Variants in OLFML2B observed in about 807,000 individuals in gnomAD.
OLFML2B encodes the protein olfactomedin like 2B, also known as olfactomedin-like protein 2B.
OLFML2B carries 57 observed loss-of-function variants against 74.9 expected under a neutral mutation model. The ratio of observed to expected loss-of-function variants is 0.76; its 90% CI spans 0.61 to 0.95. The LOEUF (loss-of-function observed/expected upper bound fraction) is 0.95. OLFML2B is among the 40% of genes least tolerant of loss of function. OLFML2B has a pLI of 0.00. For missense variants in OLFML2B, 986 were observed against 970.6 expected, an observed-to-expected ratio of 1.02 and a Z score of -0.21; for synonymous variants, 388 against 405.8, an observed-to-expected ratio of 0.96 and a Z score of 0.53.
At chr1:162,005,347 T>C in intron 4 of OLFML2B, among the ~76,000 whole-genome samples, 1 of 152,082 alleles carries the variant, frequency 6.6e-6, no homozygotes, top group Non-Finnish European at 1.5e-5. Flanking sequence ...GAAACAGAGG[T>C]TTGAGACCCT....
intron 3 of OLFML2B, among the ~76,000 whole-genome samples, chr1:162,013,018 T>C (rs768805236): frequency 2.6e-5 from 4 of 152,222 alleles, no homozygotes; most frequent in African/African-American, 7.2e-5. Context: ...CCTTTAGGCC[T>C]GGCAGCCTAC....
At chr1:161,994,040 T>C (rs1435796115) in intron 6 of OLFML2B, among the ~76,000 whole-genome samples, 1 of 152,266 alleles carries the variant, frequency 6.6e-6, no homozygotes, top group Non-Finnish European at 1.5e-5. Context: ...CAAGGGTATA[T>C]TTTATCCATT....
At position 161,988,246 on chromosome 1, in the gene OLFML2B, G is replaced by A. The variant is rs546042609; in HGVS notation, c.1475-3266C>T. 1.9e-4 allele frequency among the ~76,000 whole-genome samples: 29 copies of A among 152,272 alleles called. 1 individual carries two copies. Among genetic ancestry groups the A allele is most frequent in the African/African-American group, 5.3e-4 (22 of 41,536 alleles). On this transcript the variant is annotated intron_variant, in intron 6 of 7. Coordinates refer to ENST00000294794, the MANE Select transcript of OLFML2B (RefSeq NM_015441.3). Reference sequence around the variant, plus strand: ...GGAGACAGCTGGTCCTGTTTCAAACGTTACCAGGGTCTGAAAAGAAGGGGC... The same window carrying A: ...GGAGACAGCTGGTCCTGTTTCAAACATTACCAGGGTCTGAAAAGAAGGGGC...
intron 3 of OLFML2B, among the ~76,000 whole-genome samples, 195 bp from the exon 4 acceptor site, chr1:162,006,668 G>A (rs1379388653): frequency 6.6e-6 from 1 of 152,022 alleles, no homozygotes; most frequent in African/African-American, 2.4e-5. Context: ...GTATTTCCAG[G>A]GCAGCTCAGC....
chr1:161,994,762 A>C (rs1402771674), intron 6 of OLFML2B, among the ~76,000 whole-genome samples: 1 of 147,854 alleles, frequency 6.8e-6, no homozygotes, highest in African/African-American at 2.5e-5. Flanking sequence ...CACAGCCAAA[A>C]ATGAATTCTA....
Position 161,998,064 on chromosome 1 carries a change from G to A in OLFML2B, c.1235C>T (p.Pro412Leu), listed in dbSNP as rs1011413063. 3 of 1,613,948 alleles carry A rather than the reference G, an allele frequency of 1.9e-6. No individual in the cohort carries two copies. Among genetic ancestry groups the A allele is most frequent in the Non-Finnish European group, 2.5e-6 (3 of 1,180,016 alleles). The change falls in exon 6 of 8, where the codon CCT (proline) becomes CTT (leucine). Residue 412 changes from proline to leucine, a missense_variant. Pro to Leu is a moderately conservative substitution (Grantham distance 98). Coordinates refer to ENST00000294794, the MANE Select transcript of OLFML2B (RefSeq NM_015441.3). ...AGTGGTGGCTGGTACCTGAGGAGAA[G>A]GCTGCAGGACTGACTCCCTTGTGGG... ...PDPTRESVLQ[P>L]SPQVPATTVA...
At position 161,984,076 on chromosome 1, in the gene OLFML2B, A is replaced by T. The variant is rs769349332; in HGVS notation, c.1852T>A (p.Ser618Thr). The T allele has an allele frequency of 6.2e-7, 1 of 1,613,666 alleles. No homozygotes were observed. Among genetic ancestry groups the T allele is most frequent in the Non-Finnish European group, 8.5e-7 (1 of 1,179,644 alleles). ...TCGTCCACAGCAAAGTCCACGTCTG[A>T]GTGGCCCTGCCATCGCCAGGGGGTG... ...EATPWRWQGH[S>T]DVDFAVDENG... is the part of the protein sequence containing the mutation. The change falls in exon 8 of 8, where the codon TCA becomes ACA. Residue 618 changes from serine (S) to threonine (T), a missense_variant. Transcript: ENST00000294794.
intron 2 of OLFML2B, among the ~76,000 whole-genome samples, chr1:162,019,520 C>A (rs967189271): frequency 1.3e-5 from 2 of 152,192 alleles, no homozygotes; most frequent in African/African-American, 4.8e-5. Context: ...CCTCTCCTTC[C>A]CTAGGCCAAC....
At chr1:161,997,729 G>T in intron 6 of OLFML2B, 96 bp downstream of exon 6, 1 of 1,331,938 alleles carries the variant, frequency 7.5e-7, no homozygotes, top group Non-Finnish European at 1.0e-6. Context: ...AAAGAACTTT[G>T]ACCATCTGGT....
intron 6 of OLFML2B, among the ~76,000 whole-genome samples, chr1:161,995,866 G>T (rs1571290523): frequency 6.6e-6 from 1 of 152,230 alleles, no homozygotes; most frequent in South Asian, 2.1e-4. Flanking sequence ...AAGTATGGGG[G>T]CCCAGGGAAG....
rs74359208 is a variant in OLFML2B at position 162,003,844 on chromosome 1, G to A, written c.723+2453C>T. On this transcript the variant is annotated intron_variant, in intron 4 of 7. Transcript: ENST00000294794. ...CCCTTCCACCCGCTTTTTGGCATGG[G>A]GTTCACAAAAGAGAGGGATGGCAAG... 6.1e-3 allele frequency among the ~76,000 whole-genome samples: 935 copies of A among 152,216 alleles called. 13 individuals carry two copies. Among genetic ancestry groups the A allele is most frequent in the South Asian group, 0.033 (157 of 4,822 alleles).
rs568981414 is a variant in OLFML2B, at chr1:162,001,827, C to A, written c.724-1489G>T. On this transcript the variant is annotated intron_variant, in intron 4 of 7. Transcript: ENST00000294794. ...CCCTAATATTTGTTAAATTGAATTT[C>A]TGAATCATAACAAATCCCAAGGAAT... Among the ~76,000 whole-genome samples, 5 of 152,206 alleles carry A rather than the reference C, an allele frequency of 3.3e-5. No homozygotes were observed. In the East Asian group the frequency reaches 5.8e-4, roughly 18 times the overall value.
intron 3 of OLFML2B, among the ~76,000 whole-genome samples, chr1:162,006,889 C>T (rs148278420): frequency 6.6e-6 from 1 of 152,060 alleles, no homozygotes; most frequent in East Asian, 1.9e-4. Context: ...GAAAGAGGGG[C>T]TTTCTAAGCA....
At chr1:161,993,232 T>C (rs1689792345) in intron 6 of OLFML2B, among the ~76,000 whole-genome samples, 1 of 152,226 alleles carries the variant, frequency 6.6e-6, no homozygotes, top group African/African-American at 2.4e-5. Context: ...TGGCTCTGGT[T>C]CTTCTCACTG....
Position 161,988,040 on chromosome 1 carries a change from G to T in OLFML2B, c.1475-3060C>A, listed in dbSNP as rs76474527. 6.0e-3 allele frequency among the ~76,000 whole-genome samples: 919 copies of T among 152,312 alleles called. 15 individuals are homozygous for T. Among genetic ancestry groups the T allele is most frequent in the African/African-American group, 0.021 (857 of 41,554 alleles). On this transcript the variant is annotated intron_variant, in intron 6 of 7. Coordinates refer to ENST00000294794, the MANE Select transcript of OLFML2B (RefSeq NM_015441.3). ...CAGCTTTGGAGAGAAGGTACTGTAT[G>T]TTGACTCCTCTTCAAGGGGGATGAC...
chr1:162,023,095 T>G (rs1690772609), intron 1 of OLFML2B, among the ~76,000 whole-genome samples, 162 bp downstream of exon 1: 1 of 152,166 alleles, frequency 6.6e-6, no homozygotes, highest in South Asian at 2.1e-4. Context: ...AGAACCTATA[T>G]CCTTCCATTA....
chr1:161,984,773 G>C lies in OLFML2B; in HGVS notation c.1651+31C>G, dbSNP rs778048577. The C allele has an allele frequency of 7.5e-6, 12 of 1,604,092 alleles. No individual in the cohort carries two copies. In the Admixed American group the frequency reaches 1.0e-4, roughly 14 times the overall value. On this transcript the variant is annotated intron_variant, in intron 7 of 7. Coordinates refer to ENST00000294794, the MANE Select transcript of OLFML2B (RefSeq NM_015441.3). ...AAACAGAGGACGTGGGGAAGGGAAG[G>C]AGCAGTCTGGGTTGGATCTTTATCA...
chr1:161,999,759 G>A (rs1296744482), intron 5 of OLFML2B, among the ~76,000 whole-genome samples: 1 of 152,232 alleles, frequency 6.6e-6, no homozygotes, highest in East Asian at 1.9e-4. Flanking sequence ...GGAGGGAGGA[G>A]CAAGTATTGG....
intron 6 of OLFML2B, among the ~76,000 whole-genome samples, chr1:161,996,356 C>G (rs1224480378): frequency 1.3e-5 from 2 of 152,158 alleles, no homozygotes; most frequent in Non-Finnish European, 2.9e-5. Context: ...TACTGAGACC[C>G]AGAGAAGGCA....
Sources: allele counts gnomAD v4.1 joint callset (sites outside exome capture counted in the v4.1 genomes callset), GRCh38; gene constraint gnomAD v4.1.1; transcripts MANE v1.5; gene names NCBI Gene and HGNC (gene_info 2026-07-23, HGNC 2026-07-21).